The following RPS6KC1 variants were observed in gnomAD, a reference collection of about 807,000 sequenced individuals.
RPS6KC1 encodes the protein ribosomal protein S6 kinase C1.
A neutral mutation model predicts 103.8 loss-of-function variants in RPS6KC1; 54 were observed. The ratio of observed to expected loss-of-function variants is 0.52; its 90% CI spans 0.42 to 0.65. The LOEUF (loss-of-function observed/expected upper bound fraction) is 0.65. Among genes scored for constraint, RPS6KC1 ranks in the 30% least tolerant of loss-of-function variants. RPS6KC1 has a pLI of 0.00. For missense variants in RPS6KC1, 1,151 were observed against 1,253.8 expected, an observed-to-expected ratio of 0.92 and a Z score of 1.24; for synonymous variants, 439 against 438.7, an observed-to-expected ratio of 1.00 and a Z score of -0.01.
chr1:213,812,300 T>C, the RPS6KC1 span, among the ~76,000 whole-genome samples: 1 of 152,114 alleles, frequency 6.6e-6, no homozygotes. Context: ...TTTTTGGTAG[T>C]ATGGGAAGGA....
the RPS6KC1 span, among the ~76,000 whole-genome samples, chr1:213,383,094 G>C: frequency 2.6e-3 from 392 of 152,328 alleles, 3 homozygotes; most frequent in African/African-American, 9.0e-3. Context: ...GAGCCTCCAA[G>C]CTGGGTCGTG....
At position 213,137,795 on chromosome 1, in the gene RPS6KC1, A is replaced by AT. The variant is rs1378530149; in HGVS notation, c.835+7907dup. 2.4e-3 allele frequency among the ~76,000 whole-genome samples: 96 copies of AT among 39,896 alleles called. 2 individuals carry two copies. The highest frequency in any genetic ancestry group is 4.2e-3 in the Non-Finnish European group (78 of 18,440). The allele number at this position is 39,896 out of a possible 152,430, so 26.2% of individuals were successfully genotyped here. A position where few individuals can be genotyped will look rare whatever the true frequency, so the allele number is the denominator to read the frequency against. On this transcript the variant is annotated intron_variant, in intron 6 of 14. Coordinates refer to ENST00000366960, the MANE Select transcript of RPS6KC1 (RefSeq NM_012424.6). ...TCTCTCTCTATATATATATATATAT[A>AT]TATATTTTTTTTTTTTTTTTTTTTT... is the stretch of plus-strand genomic sequence containing the variant.
the RPS6KC1 span, among the ~76,000 whole-genome samples, chr1:213,731,090 T>A: frequency 6.6e-6 from 1 of 152,224 alleles, no homozygotes; most frequent in Non-Finnish European, 1.5e-5. Flanking sequence ...GTATGCAGTC[T>A]TATTTCTGGG....
In RPS6KC1 at chr1:213,200,277, A is replaced by G. The variant is rs953632799; in HGVS notation, c.1044+23785A>G. ...AACCAAAACAGCATGATACTGGCAT[A>G]AAAACAGATACATAGACCAATGGAA... On this transcript the variant is annotated intron_variant, in intron 8 of 14. Coordinates refer to ENST00000366960, the MANE Select transcript of RPS6KC1 (RefSeq NM_012424.6). Among the ~76,000 whole-genome samples, 7 of 152,322 alleles carry G rather than the reference A, an allele frequency of 4.6e-5. 1 individual carries two copies. The highest frequency in any genetic ancestry group is 1.7e-4 in the African/African-American group (7 of 41,576).
chr1:213,620,381 T>C, the RPS6KC1 span, among the ~76,000 whole-genome samples: 1 of 152,210 alleles, frequency 6.6e-6, no homozygotes, highest in African/African-American at 2.4e-5. Context: ...TGTGTTCAGT[T>C]GTGTCCCACT....
chr1:213,641,953 C>T, the RPS6KC1 span, among the ~76,000 whole-genome samples: 1 of 152,004 alleles, frequency 6.6e-6, no homozygotes, highest in East Asian at 1.9e-4. Flanking sequence ...CTAACCATTG[C>T]TTCTATGACT....
the RPS6KC1 span, among the ~76,000 whole-genome samples, chr1:213,811,188 A>G: frequency 1.3e-5 from 2 of 152,230 alleles, no homozygotes; most frequent in African/African-American, 2.4e-5. Context: ...AGAATGAGGC[A>G]ATTACATTTA....
the RPS6KC1 span, among the ~76,000 whole-genome samples, chr1:213,451,671 A>T: frequency 6.6e-6 from 1 of 152,202 alleles, no homozygotes; most frequent in Admixed American, 6.5e-5. Flanking sequence ...CAACATGAAG[A>T]CTAGTTGATC....
intron 8 of RPS6KC1, among the ~76,000 whole-genome samples, chr1:213,191,843 T>C (rs968724967): frequency 7.9e-5 from 12 of 152,188 alleles, no homozygotes; most frequent in African/African-American, 2.9e-4. Flanking sequence ...GGAGTCTTGC[T>C]CTGTCGCTCG....
the RPS6KC1 span, among the ~76,000 whole-genome samples, chr1:213,363,714 CTTTCTTTCTTTCGT>C: frequency 9.0e-6 from 1 of 111,210 alleles, no homozygotes; most frequent in Non-Finnish European, 1.8e-5. Context: ...TTCTTTCTTT[CTTTCTTTCTTTCGT>C]TCTTTCTTTC....
At chr1:213,281,278 A>G in the RPS6KC1 span, among the ~76,000 whole-genome samples, 2 of 152,212 alleles carry the variant, frequency 1.3e-5, no homozygotes, top group African/African-American at 2.4e-5. Context: ...GCTCCGAGTA[A>G]CTCTTCATAA....
At chr1:213,260,756 CA>C (rs35685015) in intron 12 of RPS6KC1, among the ~76,000 whole-genome samples, 17,376 of 121,586 alleles carry the variant, frequency 0.14, 2,980 homozygotes, top group African/African-American at 0.45. Context: ...CTAAAAGCCT[CA>C]AAAAAAAAAA....
chr1:213,466,367 G>A, the RPS6KC1 span, among the ~76,000 whole-genome samples: 1 of 152,192 alleles, frequency 6.6e-6, no homozygotes, highest in Non-Finnish European at 1.5e-5. Context: ...CACACAGTCT[G>A]ATGGCAAGAT....
the RPS6KC1 span, among the ~76,000 whole-genome samples, chr1:213,596,370 T>G: frequency 6.6e-6 from 1 of 152,198 alleles, no homozygotes; most frequent in African/African-American, 2.4e-5. Flanking sequence ...AAAAGGTGGT[T>G]GTCCTCCCTC....
chr1:213,740,418 TTAAA>T, the RPS6KC1 span, among the ~76,000 whole-genome samples: 1 of 152,046 alleles, frequency 6.6e-6, no homozygotes, highest in African/African-American at 2.4e-5. Context: ...AAGTAATTGA[TTAAA>T]TAAATAATTA....
chr1:213,057,141 A>G (rs952972767), intron 1 of RPS6KC1, among the ~76,000 whole-genome samples: 9 of 151,922 alleles, frequency 5.9e-5, no homozygotes, highest in African/African-American at 2.2e-4. Context: ...GGGTTTCACC[A>G]TGTTGCCCAG....
At chr1:213,764,565 G>T in the RPS6KC1 span, among the ~76,000 whole-genome samples, 73 of 152,172 alleles carry the variant, frequency 4.8e-4, no homozygotes, top group Non-Finnish European at 9.1e-4. Flanking sequence ...TACAACCTCA[G>T]AAGCTCTAGT....
the RPS6KC1 span, among the ~76,000 whole-genome samples, chr1:213,316,358 C>G: frequency 6.6e-6 from 1 of 152,200 alleles, no homozygotes; most frequent in Non-Finnish European, 1.5e-5. Flanking sequence ...TGGAAATGGA[C>G]TAATACAGTC....
the RPS6KC1 span, among the ~76,000 whole-genome samples, chr1:213,427,714 C>T: frequency 8.8e-4 from 134 of 152,298 alleles, no homozygotes; most frequent in African/African-American, 3.2e-3. Flanking sequence ...GGAATGAATG[C>T]AGTCAAGAAG....
Sources: gnomAD v4.1 joint callset for allele counts (sites outside exome capture counted in the v4.1 genomes callset) on GRCh38, gnomAD v4.1.1 for gene constraint, MANE v1.5 for transcripts, NCBI Gene and HGNC (gene_info 2026-07-23, HGNC 2026-07-21) for gene names.